The following GALNT15 variants were observed in gnomAD, a reference collection of about 807,000 sequenced individuals.
The protein encoded by GALNT15 is polypeptide N-acetylgalactosaminyltransferase 15.
Under a neutral mutation model 66.8 loss-of-function variants are expected in GALNT15, and 67 were observed. The observed-to-expected ratio is 1.00, with a 90% CI of 0.82 to 1.23. GALNT15 has a LOEUF of 1.23. Ranked by LOEUF, GALNT15 falls within the 50% of genes most tolerant of loss-of-function variation. The probability of loss-of-function intolerance (pLI) is 0.00; values close to 1 mark genes in which losing one functional copy is unlikely to be tolerated. For missense variants in GALNT15, 827 were observed against 804.3 expected, an observed-to-expected ratio of 1.03 and a Z score of -0.34; for synonymous variants, 313 against 311.5, an observed-to-expected ratio of 1.00 and a Z score of -0.05.
chr3:16,229,201 TATTCA>T lies in GALNT15; in HGVS notation c.*1702_*1706del. 1.0e-6 allele frequency: 1 copy of T among 985,360 alleles called. No homozygotes were observed. Among genetic ancestry groups the T allele is most frequent in the Non-Finnish European group, 1.2e-6 (1 of 829,854 alleles). The allele number at this position is 985,360 out of a possible 1,614,324, so 61.0% of individuals were successfully genotyped here. A position where few individuals can be genotyped will look rare whatever the true frequency, so the allele number is the denominator to read the frequency against. On this transcript the variant is annotated 3_prime_UTR_variant, in exon 10 of 10. Coordinates refer to ENST00000339732, the MANE Select transcript of GALNT15 (RefSeq NM_054110.5). ...CCAAACAATACCTATCATAACTACG[TATTCA>T]TTGTCTACCTGCTAAGTCAAGGGTT...
intron 2 of GALNT15, among the ~76,000 whole-genome samples, chr3:16,196,297 C>T (rs1021181712): frequency 1.3e-5 from 2 of 152,124 alleles, no homozygotes; most frequent in Non-Finnish European, 2.9e-5. Flanking sequence ...GTGCTCACTG[C>T]CTCCTAGACC....
rs1192825537 is a variant in GALNT15, at chr3:16,189,218, G to A, written c.540-6542G>A. Among the ~76,000 whole-genome samples, 1 of 152,184 alleles carries A rather than the reference G, an allele frequency of 6.6e-6. No homozygotes were observed. Among genetic ancestry groups the A allele is most frequent in the Non-Finnish European group, 1.5e-5 (1 of 68,032 alleles). ...GGTTCTAGGGAGATTAGGTCCAACA[G>A]GGGATCTAGCTGAACTCCAATCACC... is the stretch of plus-strand genomic sequence containing the variant. On this transcript the variant is annotated intron_variant, in intron 1 of 9. Transcript: ENST00000339732. This position sits in a 1 kb window ranked among gnomAD's most constrained non-coding sequence, Gnocchi z 5.1.
At chr3:16,232,474 ATATATATAT>A (rs2064092832), downstream of GALNT15, among the ~76,000 whole-genome samples, 21 of 51,762 alleles carry the variant, frequency 4.1e-4, 2 homozygotes, top group South Asian at 1.6e-3. Context: ...AAATAAATAT[ATATATATAT>A]ATATATATAT....
At chr3:16,215,461 C>A (rs951391251) in intron 6 of GALNT15, among the ~76,000 whole-genome samples, 1 of 152,216 alleles carries the variant, frequency 6.6e-6, no homozygotes, top group South Asian at 2.1e-4. Context: ...ACTAGTCCAA[C>A]CTTTTAGTAT....
rs562506008 is a variant in GALNT15, at chr3:16,195,243, C to T, written c.540-517C>T. On this transcript the variant is annotated intron_variant, in intron 1 of 9. Transcript: ENST00000339732. The surrounding 1 kb of genome is among the most constrained non-coding windows in gnomAD (Gnocchi z 4.6). ...CAGAAATGTAGGCCTCAGGCCCAAG[C>T]CAAAGACTAGAGCAGAGGTTCTCAA... is the stretch of plus-strand genomic sequence containing the variant. Among the ~76,000 whole-genome samples, 8 of 152,136 alleles carry T rather than the reference C, an allele frequency of 5.3e-5. No homozygotes were observed. The highest frequency in any genetic ancestry group is 1.2e-4 in the Non-Finnish European group (8 of 68,026).
chr3:16,233,116 A>G (rs2672566), downstream of GALNT15, among the ~76,000 whole-genome samples: 72,739 of 101,842 alleles, frequency 0.71, 26,351 homozygotes, highest in African/African-American at 0.79. Context: ...TTTTTTTTGA[A>G]ACGGAGTCTG....
chr3:16,179,724 T>C (rs1263937739), intron 1 of GALNT15, among the ~76,000 whole-genome samples: 3 of 152,170 alleles, frequency 2.0e-5, no homozygotes, highest in Non-Finnish European at 4.4e-5. Flanking sequence ...AATCCATTCT[T>C]TACAGGAACA....
rs2063954217 is a variant in GALNT15 at position 16,222,551 on chromosome 3, C to G, written c.1630-64C>G. On this transcript the variant is annotated intron_variant, in intron 8 of 9. Coordinates refer to ENST00000339732, the MANE Select transcript of GALNT15 (RefSeq NM_054110.5). ...CAGCTCTATAGTGGGTTCTTCTTAC[C>G]TCCTCTACAGCTTTGAAGAGGATCT... is the stretch of plus-strand genomic sequence containing the variant. 2.1e-5 allele frequency: 33 copies of G among 1,596,432 alleles called. 2 individuals are homozygous for G. In the South Asian group the frequency reaches 3.6e-4, roughly 17 times the overall value.
intron 8 of GALNT15, among the ~76,000 whole-genome samples, chr3:16,222,355 C>T (rs568927949): frequency 5.3e-5 from 8 of 152,212 alleles, no homozygotes; most frequent in Non-Finnish European, 7.4e-5. Flanking sequence ...ACCTATGATA[C>T]GGTAAATAAC....
chr3:16,175,500 T>A lies in GALNT15; in HGVS notation c.349T>A (p.Tyr117Asn). ...GAGCCAGGGCAGGAGAGGTGGGAGCTACCGCCTCATCAAGCAGCCAAGGAG... is the reference window on the plus strand; with the variant it reads ...GAGCCAGGGCAGGAGAGGTGGGAGCAACCGCCTCATCAAGCAGCCAAGGAG... Reference protein sequence around the residue: ...NQSQGRRGGSYRLIKQPRRQD... With the variant: ...NQSQGRRGGSNRLIKQPRRQD... Residue 117 changes from tyrosine to asparagine, a missense_variant, in exon 1 of 10, where the codon TAC becomes AAC. Physicochemically the swap from Tyr to Asn is moderately radical, Grantham distance 143. Coordinates refer to ENST00000339732, the MANE Select transcript of GALNT15 (RefSeq NM_054110.5). This position sits in a 1 kb window ranked among gnomAD's most constrained non-coding sequence, Gnocchi z 5.6. 1 of 1,613,790 alleles carries A rather than the reference T, an allele frequency of 6.2e-7. No individual in the cohort carries two copies. The highest frequency in any genetic ancestry group is 8.5e-7 in the Non-Finnish European group (1 of 1,179,842).
chr3:16,210,605 G>A (rs1053214477), intron 4 of GALNT15, among the ~76,000 whole-genome samples: 1 of 152,152 alleles, frequency 6.6e-6, no homozygotes, highest in Non-Finnish European at 1.5e-5. Flanking sequence ...TATAAATCAT[G>A]TATTTTTCCC....
chr3:16,201,271 T>C (rs1386029444), intron 3 of GALNT15, among the ~76,000 whole-genome samples: 1 of 152,056 alleles, frequency 6.6e-6, no homozygotes, highest in Non-Finnish European at 1.5e-5. Flanking sequence ...AAGCTGCGCC[T>C]CCCGGGTTCA....
chr3:16,175,518 C>T lies in GALNT15; in HGVS notation c.367C>T (p.Pro123Ser), dbSNP rs752826784. 1 of 1,613,950 alleles carries T rather than the reference C, an allele frequency of 6.2e-7. No individual in the cohort carries two copies. Among genetic ancestry groups the T allele is most frequent in the Non-Finnish European group, 8.5e-7 (1 of 1,179,948 alleles). ...TGGGAGCTACCGCCTCATCAAGCAG[C>T]CAAGGAGGCAGGATAAGGAAGCCCC... The part of the protein sequence containing the change: ...RGGSYRLIKQ[P>S]RRQDKEAPKR... The change falls in exon 1 of 10, where the codon CCA becomes TCA. Residue 123 changes from proline (P) to serine (S), a missense_variant. By Grantham distance (74) the Pro-to-Ser change is moderately conservative. Transcript: ENST00000339732. This position sits in a 1 kb window ranked among gnomAD's most constrained non-coding sequence, Gnocchi z 5.6.
At position 16,187,327 on chromosome 3, in the gene GALNT15, G is replaced by A. The variant is rs1209957527; in HGVS notation, c.540-8433G>A. Reference sequence around the variant, plus strand: ...ATGTTATGGTTCTATAATTTGGACCGGACTCAGCCAGGCAGTTCTTCTGCT... The same window carrying A: ...ATGTTATGGTTCTATAATTTGGACCAGACTCAGCCAGGCAGTTCTTCTGCT... On this transcript the variant is annotated intron_variant, in intron 1 of 9. Transcript: ENST00000339732. The surrounding 1 kb of genome is among the most constrained non-coding windows in gnomAD (Gnocchi z 5.1). Among the ~76,000 whole-genome samples, 1 of 152,132 alleles carries A rather than the reference G, an allele frequency of 6.6e-6. No homozygotes were observed. The highest frequency in any genetic ancestry group is 1.5e-5 in the Non-Finnish European group (1 of 68,028).
rs532417599 is a variant in GALNT15, at chr3:16,229,509, T to C, written c.*2009T>C. 66 of 984,894 alleles carry C rather than the reference T, an allele frequency of 6.7e-5. No individual in the cohort carries two copies. In the African/African-American group the frequency reaches 1.0e-3, roughly 15 times the overall value. The allele number at this position is 984,894 out of a possible 1,614,324, so 61.0% of individuals were successfully genotyped here. A position where few individuals can be genotyped will look rare whatever the true frequency, so the allele number is the denominator to read the frequency against. On this transcript the variant is annotated 3_prime_UTR_variant, in exon 10 of 10. Coordinates refer to ENST00000339732, the MANE Select transcript of GALNT15 (RefSeq NM_054110.5). ...ATTATCCCATCTAGAGAAGAGACTT[T>C]AGTCACTGTCTTCTTGCTTCAGACC...
In GALNT15 at chr3:16,204,979, G is replaced by A. The variant is rs562968572; in HGVS notation, c.912-3524G>A. Reference sequence around the variant, plus strand: ...TGTGTGTGTGCGCGCGCATGTGCGCGTCAAGGAGCAGCAGGAGGTCAGGAT... The same window carrying A: ...TGTGTGTGTGCGCGCGCATGTGCGCATCAAGGAGCAGCAGGAGGTCAGGAT... On this transcript the variant is annotated intron_variant, in intron 3 of 9. Transcript: ENST00000339732. This position sits in a 1 kb window ranked among gnomAD's most constrained non-coding sequence, Gnocchi z 4.5. 3.2e-4 allele frequency among the ~76,000 whole-genome samples: 48 copies of A among 152,350 alleles called. No homozygotes were observed. The highest frequency in any genetic ancestry group is 1.0e-3 in the African/African-American group (43 of 41,584).
Position 16,211,263 on chromosome 3 carries a change from G to A in GALNT15, c.1197+22G>A, listed in dbSNP as rs771758275. 28 of 1,483,502 alleles carry A rather than the reference G, an allele frequency of 1.9e-5. No individual in the cohort carries two copies. The South Asian group carries it at 3.1e-4, about 16-fold the overall frequency. 91.9% of individuals were successfully genotyped at this position (1,483,502 alleles called of 1,614,324 possible). On this transcript the variant is annotated intron_variant, in intron 5 of 9. Transcript: ENST00000339732. The surrounding 1 kb of genome is among the most constrained non-coding windows in gnomAD (Gnocchi z 4.3). ...CAAGGTATGTCCTGGACCAAGGGAGGACAGAGGTGGGATCTCTGGAGTGGT... is the reference window on the plus strand; with the variant it reads ...CAAGGTATGTCCTGGACCAAGGGAGAACAGAGGTGGGATCTCTGGAGTGGT...
chr3:16,187,290 A>C lies in GALNT15; in HGVS notation c.540-8470A>C, dbSNP rs757675019. On this transcript the variant is annotated intron_variant, in intron 1 of 9. Coordinates refer to ENST00000339732, the MANE Select transcript of GALNT15 (RefSeq NM_054110.5). The surrounding 1 kb of genome is among the most constrained non-coding windows in gnomAD (Gnocchi z 5.1). ...AAAAAAAAATTAGTGATTTCAAACA[A>C]TAACCATTTCTATGTTATGGTTCTA... Among the ~76,000 whole-genome samples the C allele has an allele frequency of 1.4e-4, 22 of 152,146 alleles. No individual in the cohort carries two copies. Among genetic ancestry groups the C allele is most frequent in the Non-Finnish European group, 2.4e-4 (16 of 68,022 alleles).
rs1371943707 is a variant in GALNT15, at chr3:16,176,627, T to C, written c.539+937T>C. On this transcript the variant is annotated intron_variant, in intron 1 of 9. Transcript: ENST00000339732. The surrounding 1 kb of genome is among the most constrained non-coding windows in gnomAD (Gnocchi z 5.6). ...CCTGCTCCCTTACTGTCACCATGGC[T>C]GACCACTGAGGAGGGAGCCTTGGTT... 1.3e-5 allele frequency among the ~76,000 whole-genome samples: 2 copies of C among 152,250 alleles called. No homozygotes were observed. The highest frequency in any genetic ancestry group is 2.9e-5 in the Non-Finnish European group (2 of 68,034).
Sources: gnomAD v4.1 joint callset for allele counts (sites outside exome capture counted in the v4.1 genomes callset) on GRCh38, gnomAD v4.1.1 for gene constraint, Gnocchi (gnomAD v3.1) non-coding constraint, MANE v1.5 for transcripts, NCBI Gene and HGNC (gene_info 2026-07-23, HGNC 2026-07-21) for gene names.